Variants in C19orf44 observed in about 807,000 individuals in gnomAD.
The protein encoded by C19orf44 is uncharacterized protein C19orf44.
Under a neutral mutation model 50.7 loss-of-function variants are expected in C19orf44, and 43 were observed. That is an observed-to-expected ratio of 0.85 (90% CI 0.66 to 1.09). C19orf44 has a LOEUF of 1.09. C19orf44 is among the 50% of genes least tolerant of loss of function. The pLI is 0.00. For synonymous variants in C19orf44, 298 were observed against 334.7 expected, an observed-to-expected ratio of 0.89 and a Z score of 1.20; for missense variants, 722 against 836.2, an observed-to-expected ratio of 0.86 and a Z score of 1.68.
At chr19:16,507,177 G>A (rs1406770876) in intron 4 of C19orf44, among the ~76,000 whole-genome samples, 1 of 152,212 alleles carries the variant, frequency 6.6e-6, no homozygotes, top group African/African-American at 2.4e-5. Flanking sequence ...GTGGCCCCCA[G>A]CTGCCAAGAA....
At chr19:16,508,120 T>A (rs1453163603) in intron 4 of C19orf44, among the ~76,000 whole-genome samples, 1 of 151,708 alleles carries the variant, frequency 6.6e-6, no homozygotes, top group Non-Finnish European at 1.5e-5. Context: ...TATTATTTTT[T>A]TGAGACACAG....
At position 16,507,462 on chromosome 19, in the gene C19orf44, A is replaced by AT. The variant is rs1185113198; in HGVS notation, c.1149+692dup. Among the ~76,000 whole-genome samples, 3 of 146,200 alleles carry AT rather than the reference A, an allele frequency of 2.1e-5. No homozygotes were observed. The South Asian group carries it at 6.5e-4, about 32-fold the overall frequency. On this transcript the variant is annotated intron_variant, in intron 4 of 8. Transcript: ENST00000221671. The stretch of plus-strand genomic sequence containing the variant: ...TTATTTTAAAATATTTATTGTTTTT[A>AT]TTTTATTATTATTATTATTTTTTAT...
intron 2 of C19orf44, 145 bp from the exon 3 acceptor site, chr19:16,502,920 G>T (rs1484027497): frequency 3.6e-5 from 25 of 689,020 alleles, no homozygotes; most frequent in Non-Finnish European, 5.5e-5. Flanking sequence ...AGCCCAGGAT[G>T]TCGAGGCTAC....
chr19:16,515,351 C>A (rs914042757), intron 7 of C19orf44, among the ~76,000 whole-genome samples: 20 of 152,142 alleles, frequency 1.3e-4, no homozygotes. Context: ...ACGAGCAAGA[C>A]TCCGTCTCAA....
Position 16,521,174 on chromosome 19 carries a change from G to T in C19orf44, c.*1121G>T. 1.7e-6 allele frequency: 1 copy of T among 585,188 alleles called. No individual in the cohort carries two copies. The highest frequency in any genetic ancestry group is 3.1e-6 in the Non-Finnish European group (1 of 327,308). The allele number at this position is 585,188 out of a possible 1,614,324, so 36.2% of individuals were successfully genotyped here. On this transcript the variant is annotated 3_prime_UTR_variant, in exon 9 of 9. Coordinates refer to ENST00000221671, the MANE Select transcript of C19orf44 (RefSeq NM_032207.4). ...GGGGACCCATGGTCTGTGGAACTGG[G>T]AAACAGGAACACTGACTCATGGGTG... is the stretch of plus-strand genomic sequence containing the variant.
chr19:16,509,699 C>T lies in C19orf44; in HGVS notation c.1350C>T (p.Ser450=), dbSNP rs759920607. Reference sequence around the variant, plus strand: ...CTGCCATCCAGCAGGACAGCACTTCCAGCATGCAGCCACCATCTGAAGCCC... The same window carrying T: ...CTGCCATCCAGCAGGACAGCACTTCTAGCATGCAGCCACCATCTGAAGCCC... ...SASAIQQDST[S]SMQPPSEAPM... Residue 450 remains serine, a synonymous_variant, in exon 5 of 9, where the codon TCC becomes TCT. Coordinates refer to ENST00000221671, the MANE Select transcript of C19orf44 (RefSeq NM_032207.4). The T allele has an allele frequency of 4.8e-5, 78 of 1,614,156 alleles. No homozygotes were observed. The highest frequency in any genetic ancestry group is 6.3e-5 in the Non-Finnish European group (74 of 1,180,060).
chr19:16,520,964 A>ACTC lies in C19orf44; in HGVS notation c.*911_*912insCTC. ...ACCACGTGACACCCACCCACAAGGA[A>ACTC]GTCGTGAAAAAGTCATCAGGAGTTA... On this transcript the variant is annotated 3_prime_UTR_variant, in exon 9 of 9. Transcript: ENST00000221671. The surrounding 1 kb of genome is among the most constrained non-coding windows in gnomAD (Gnocchi z 4.0). 1 of 1,523,014 alleles carries ACTC rather than the reference A, an allele frequency of 6.6e-7. No homozygotes were observed. The highest frequency in any genetic ancestry group is 9.1e-7 in the Non-Finnish European group (1 of 1,099,174). The allele number at this position is 1,523,014 out of a possible 1,614,324, so 94.3% of individuals were successfully genotyped here. A position where few individuals can be genotyped will look rare whatever the true frequency, so the allele number is the denominator to read the frequency against.
intron 5 of C19orf44, 110 bp from the exon 6 acceptor site, chr19:16,512,904 G>T: frequency 1.2e-6 from 1 of 803,832 alleles, no homozygotes; most frequent in Non-Finnish European, 1.9e-6. Context: ...ATCACCTTCA[G>T]AAAGAGGGAA....
rs374474150 is a variant in C19orf44, at chr19:16,520,798, C to T, written c.*745C>T. 3.4e-5 allele frequency: 55 copies of T among 1,602,468 alleles called. 1 individual carries two copies. The highest frequency in any genetic ancestry group is 3.0e-4 in the South Asian group (27 of 90,894). ...TCACAAGCTGTGGACCCTGGCCCCC[C>T]GGCCACTGCAGACATCTGCGCTTTT... On this transcript the variant is annotated 3_prime_UTR_variant, in exon 9 of 9. Transcript: ENST00000221671. This position sits in a 1 kb window ranked among gnomAD's most constrained non-coding sequence, Gnocchi z 4.0.
intron 7 of C19orf44, among the ~76,000 whole-genome samples, chr19:16,516,735 C>A (rs1352404162): frequency 2.0e-5 from 3 of 152,202 alleles, no homozygotes; most frequent in African/African-American, 7.2e-5. Context: ...GTGCCGAGTC[C>A]CCTGCATGCC....
In C19orf44 at chr19:16,518,993, G is replaced by A. The variant is rs528353360; in HGVS notation, c.*41-1101G>A. ...CCGTGCCCTCCACGCCATGGAGCAC[G>A]GCGTTCCCACTGGGCATGCGCTGGT... On this transcript the variant is annotated intron_variant, in intron 8 of 8. Transcript: ENST00000221671. 2.1e-4 allele frequency: 139 copies of A among 677,662 alleles called. 1 individual carries two copies. The East Asian group carries it at 3.2e-3, about 16-fold the overall frequency. 42.0% of individuals were successfully genotyped at this position (677,662 alleles called of 1,614,324 possible). A position where few individuals can be genotyped will look rare whatever the true frequency, so the allele number is the denominator to read the frequency against.
At chr19:16,501,631 T>G in intron 2 of C19orf44, 80 bp downstream of exon 2, 1 of 1,099,206 alleles carries the variant, frequency 9.1e-7, no homozygotes, top group South Asian at 3.2e-5. Flanking sequence ...TTGCTCTTGT[T>G]GCCCAGGCTG....
At position 16,501,426 on chromosome 19, in the gene C19orf44, G is replaced by C; in HGVS notation, c.634G>C (p.Asp212His). The stretch of plus-strand genomic sequence containing the variant: ...ACCTGCTAGAACATTTGATTCTCCA[G>C]ACAGTGACGAAGAAGAAATGAAAGT... ...KEPARTFDSP[D>H]SDEEEMKVLL... is the part of the protein sequence containing the mutation. Residue 212 changes from aspartate to histidine, a missense_variant, in exon 2 of 9, where the codon GAC becomes CAC. By Grantham distance (81) the Asp-to-His change is moderately conservative. Transcript: ENST00000221671. 1.2e-6 allele frequency: 2 copies of C among 1,613,752 alleles called. No homozygotes were observed. The highest frequency in any genetic ancestry group is 1.7e-6 in the Non-Finnish European group (2 of 1,179,890).
chr19:16,507,306 GACA>G (rs892880823), intron 4 of C19orf44, among the ~76,000 whole-genome samples: 1 of 152,076 alleles, frequency 6.6e-6, no homozygotes, highest in African/African-American at 2.4e-5. Context: ...AGCCGCCCAT[GACA>G]ACATCTGCAC....
rs1328744302 is a variant in C19orf44, at chr19:16,520,764, T to TCCCA, written c.*716_*719dup. On this transcript the variant is annotated 3_prime_UTR_variant, in exon 9 of 9. Transcript: ENST00000221671. This position sits in a 1 kb window ranked among gnomAD's most constrained non-coding sequence, Gnocchi z 4.0. ...CGTGATGAGTGTATCTGGGGTCTGC[T>TCCCA]CCCACCCATCACAAGCTGTGGACCC... 1 of 1,488,934 alleles carries TCCCA rather than the reference T, an allele frequency of 6.7e-7. No homozygotes were observed. Among genetic ancestry groups the TCCCA allele is most frequent in the Non-Finnish European group, 9.3e-7 (1 of 1,070,110 alleles). 92.2% of individuals were successfully genotyped at this position (1,488,934 alleles called of 1,614,324 possible).
intron 5 of C19orf44, 51 bp downstream of exon 5, chr19:16,510,039 G>C (rs373701349): frequency 1.1e-5 from 18 of 1,613,358 alleles, no homozygotes; most frequent in Non-Finnish European, 1.4e-5. Flanking sequence ...GGAGCTCAGC[G>C]TGTGGTTTAC....
chr19:16,501,897 TG>T (rs2093426550), intron 2 of C19orf44, among the ~76,000 whole-genome samples: 1 of 147,602 alleles, frequency 6.8e-6, no homozygotes, highest in South Asian at 2.1e-4. Flanking sequence ...GGCCGGTGAC[TG>T]GCTACTTTTT....
Position 16,509,997 on chromosome 19 carries a change from T to TG in C19orf44, c.1639+13dup, listed in dbSNP as rs755832391. 32 of 1,614,020 alleles carry TG rather than the reference T, an allele frequency of 2.0e-5. No individual in the cohort carries two copies. The African/African-American group carries it at 4.1e-4, about 21-fold the overall frequency. ...CTACGAGTGGACCAAGGGTAAGCCTTGGGGCCCGTGGGGGCCGGGGCAGCC... is the reference window on the plus strand; with the variant it reads ...CTACGAGTGGACCAAGGGTAAGCCTTGGGGGCCCGTGGGGGCCGGGGCAGCC... On this transcript the variant is annotated intron_variant, in intron 5 of 8. Coordinates refer to ENST00000221671, the MANE Select transcript of C19orf44 (RefSeq NM_032207.4).
In C19orf44 at chr19:16,501,145, CTGACTCAA is replaced by C. The variant is rs1396441389; in HGVS notation, c.358_365del (p.Ser120ArgfsTer10). The C allele has an allele frequency of 2.5e-5, 40 of 1,614,032 alleles. No individual in the cohort carries two copies. The highest frequency in any genetic ancestry group is 3.3e-5 in the Non-Finnish European group (39 of 1,180,044). ...CAGAGGAATTTGTCTGACACGGAAT[CTGACTCAA>C]TGACCGCCGATGCTGGTCTTCCAAA... On this transcript the variant is annotated frameshift_variant, in exon 2 of 9. Coordinates refer to ENST00000221671, the MANE Select transcript of C19orf44 (RefSeq NM_032207.4). LOFTEE classifies it high-confidence loss of function.
Sources: allele counts gnomAD v4.1 joint callset (sites outside exome capture counted in the v4.1 genomes callset), GRCh38; gene constraint gnomAD v4.1.1; non-coding constraint Gnocchi (gnomAD v3.1); transcripts MANE v1.5; gene names NCBI Gene and HGNC (gene_info 2026-07-23, HGNC 2026-07-21).